Variants in ZDHHC17 observed in about 807,000 individuals in gnomAD.
ZDHHC17 encodes palmitoyltransferase ZDHHC17.
ZDHHC17 carries 40 observed loss-of-function variants against 90.3 expected under a neutral mutation model. The ratio of observed to expected loss-of-function variants is 0.44; its 90% CI spans 0.34 to 0.58. The LOEUF is 0.58. Ranked by LOEUF, ZDHHC17 falls within the 20% of genes least tolerant of loss-of-function variation. ZDHHC17 has a pLI of 0.01. For synonymous variants in ZDHHC17, 235 were observed against 252.4 expected, an observed-to-expected ratio of 0.93 and a Z score of 0.65; for missense variants, 614 against 780.8, an observed-to-expected ratio of 0.79 and a Z score of 2.55.
intron 8 of ZDHHC17, among the ~76,000 whole-genome samples, chr12:76,826,513 T>C (rs1592490400): frequency 6.6e-6 from 1 of 152,242 alleles, no homozygotes; most frequent in Non-Finnish European, 1.5e-5. Flanking sequence ...GGTTTCCTTA[T>C]GTGTTATAAT....
intron 1 of ZDHHC17, among the ~76,000 whole-genome samples, chr12:76,767,018 C>CAA (rs375447750): frequency 0.02 from 1,746 of 85,832 alleles, 40 homozygotes; most frequent in African/African-American, 0.062. Flanking sequence ...GATTATGTCT[C>CAA]AAAAAAAAAA....
At chr12:76,790,706 T>C (rs1258386166) in intron 1 of ZDHHC17, among the ~76,000 whole-genome samples, 1 of 152,202 alleles carries the variant, frequency 6.6e-6, no homozygotes, top group Non-Finnish European at 1.5e-5. Context: ...GTTCAGTCTT[T>C]CCTGAAAGAC....
At position 76,809,799 on chromosome 12, in the gene ZDHHC17, A is replaced by T; in HGVS notation, c.485A>T (p.His162Leu). The T allele has an allele frequency of 6.2e-7, 1 of 1,610,242 alleles. No individual in the cohort carries two copies. Among genetic ancestry groups the T allele is most frequent in the Non-Finnish European group, 8.5e-7 (1 of 1,178,248 alleles). ...LIDGEGCSCIHLAAQFGHTSI... is the reference protein window; with the variant it reads ...LIDGEGCSCILLAAQFGHTSI... ...GATGGAGAAGGATGTAGCTGTATTC[A>T]TCTGGCTGCTCAGTTCGGACATACC... Residue 162 changes from histidine to leucine, a missense_variant, in exon 5 of 17, where the codon CAT becomes CTT. His to Leu is a moderately conservative substitution (Grantham distance 99, BLOSUM62 -3). Transcript: ENST00000426126.
Position 76,775,903 on chromosome 12 carries a change from TATAATC to T in ZDHHC17, c.93+11577_93+11582del, listed in dbSNP as rs1952553354. 7.2e-5 allele frequency among the ~76,000 whole-genome samples: 11 copies of T among 152,274 alleles called. No homozygotes were observed. The South Asian group carries it at 2.3e-3, about 32-fold the overall frequency. On this transcript the variant is annotated intron_variant, in intron 1 of 16. Coordinates refer to ENST00000426126, the MANE Select transcript of ZDHHC17 (RefSeq NM_015336.4). ...TAATCTTTATTTATATTTCTGTAAA[TATAATC>T]ATGAATAAATTCTAGACAGTGTTTT...
intron 1 of ZDHHC17, among the ~76,000 whole-genome samples, chr12:76,785,469 G>T (rs1037580307): frequency 6.6e-6 from 1 of 152,102 alleles, no homozygotes; most frequent in African/African-American, 2.4e-5. Flanking sequence ...CCATCATAAA[G>T]TTAAAAATTA....
intron 1 of ZDHHC17, among the ~76,000 whole-genome samples, chr12:76,778,246 C>T (rs1952582839): frequency 6.6e-6 from 1 of 152,054 alleles, no homozygotes; most frequent in South Asian, 2.1e-4. Context: ...GTCTCGCTCC[C>T]ACCCAGGGTC....
chr12:76,771,451 T>C (rs1437290861), intron 1 of ZDHHC17, among the ~76,000 whole-genome samples: 28 of 152,204 alleles, frequency 1.8e-4, no homozygotes, highest in Admixed American at 1.8e-3. Flanking sequence ...CATTATAGTG[T>C]CCTAGGATCA....
At chr12:76,798,741 G>A (rs765359423) in intron 2 of ZDHHC17, among the ~76,000 whole-genome samples, 8 of 152,144 alleles carry the variant, frequency 5.3e-5, no homozygotes, top group African/African-American at 9.7e-5. Flanking sequence ...GGTGGGAGGT[G>A]AAGGGGAAGC....
At chr12:76,769,727 G>C (rs991248955) in intron 1 of ZDHHC17, among the ~76,000 whole-genome samples, 2 of 152,088 alleles carry the variant, frequency 1.3e-5, no homozygotes, top group Non-Finnish European at 2.9e-5. Context: ...GTTAAGCCCA[G>C]TAACCACTGA....
intron 1 of ZDHHC17, among the ~76,000 whole-genome samples, chr12:76,767,159 C>T (rs1952440840): frequency 6.6e-6 from 1 of 152,098 alleles, no homozygotes; most frequent in South Asian, 2.1e-4. Context: ...TCTTTTTTCT[C>T]TACCAGAAGA....
chr12:76,825,090 A>G (rs1318338304), intron 8 of ZDHHC17, among the ~76,000 whole-genome samples: 1 of 152,120 alleles, frequency 6.6e-6, no homozygotes, highest in Non-Finnish European at 1.5e-5. Context: ...TAAAAGGGCA[A>G]TATGAGGAAT....
At chr12:76,797,581 A>C in intron 2 of ZDHHC17, 44 bp downstream of exon 2, 25 of 1,411,198 alleles carry the variant, frequency 1.8e-5, no homozygotes, top group Middle Eastern at 1.8e-4. Context: ...TGTGTATTTC[A>C]AGTGAAATAT....
chr12:76,836,795 T>A (rs1026483622), intron 10 of ZDHHC17, among the ~76,000 whole-genome samples: 1 of 152,178 alleles, frequency 6.6e-6, no homozygotes, highest in African/African-American at 2.4e-5. Flanking sequence ...CGTGTTGCTA[T>A]ATTTAGGAGG....
intron 14 of ZDHHC17, 23 bp downstream of exon 14, chr12:76,846,702 C>A: frequency 6.4e-7 from 1 of 1,552,096 alleles, no homozygotes; most frequent in Non-Finnish European, 8.8e-7. Context: ...AGTTTTCGGT[C>A]TTTTTAAAAC....
chr12:76,799,149 CA>C (rs1250238649), intron 2 of ZDHHC17, among the ~76,000 whole-genome samples: 1 of 151,868 alleles, frequency 6.6e-6, no homozygotes, highest in African/African-American at 2.4e-5. Context: ...AAAAAACAAG[CA>C]AAAAAAGAAT....
chr12:76,838,544 A>G (rs1294208226), intron 10 of ZDHHC17, among the ~76,000 whole-genome samples: 1 of 152,150 alleles, frequency 6.6e-6, no homozygotes, highest in East Asian at 1.9e-4. Context: ...AGAAAAAGAG[A>G]GCTCAATTGT....
chr12:76,811,593 G>C (rs1464182373), intron 5 of ZDHHC17, among the ~76,000 whole-genome samples: 1 of 151,968 alleles, frequency 6.6e-6, no homozygotes, highest in Non-Finnish European at 1.5e-5. Context: ...TAATGATGAT[G>C]ATAAATGTCT....
Position 76,764,291 on chromosome 12 carries a change from G to C in ZDHHC17, c.55G>C (p.Asp19His). 1.9e-6 allele frequency: 3 copies of C among 1,606,960 alleles called. No individual in the cohort carries two copies. The highest frequency in any genetic ancestry group is 2.5e-6 in the Non-Finnish European group (3 of 1,176,878). ...TKMADGPDEYDTEAGCVPLLH... is the reference protein window; with the variant it reads ...TKMADGPDEYHTEAGCVPLLH... ...GATGGCGGACGGCCCGGATGAGTACGATACCGAAGCGGGCTGTGTGCCCCT... is the reference window on the plus strand; with the variant it reads ...GATGGCGGACGGCCCGGATGAGTACCATACCGAAGCGGGCTGTGTGCCCCT... The change falls in exon 1 of 17, where the codon GAT (aspartate) becomes CAT (histidine). Residue 19 changes from aspartate (D) to histidine (H), a missense_variant. Around this residue, in one of 5 missense-constraint regions of ZDHHC17, gnomAD observed 358 missense variants for 380.4 expected, o/e 0.94. Coordinates refer to ENST00000426126, the MANE Select transcript of ZDHHC17 (RefSeq NM_015336.4).
At chr12:76,764,626 G>A in intron 1 of ZDHHC17, 1 of 534,830 alleles carries the variant, frequency 1.9e-6, no homozygotes, top group East Asian at 3.5e-5. Flanking sequence ...AGCAGAGGCG[G>A]AGGGGCCTGG....
Sources: allele counts gnomAD v4.1 joint callset (sites outside exome capture counted in the v4.1 genomes callset), GRCh38; gene constraint gnomAD v4.1.1; regional missense constraint gnomAD v4.1.1; transcripts MANE v1.5; gene names NCBI Gene and HGNC (gene_info 2026-07-23, HGNC 2026-07-21).